Variants in ZBED6 observed in about 807,000 individuals in gnomAD.
The protein encoded by ZBED6 is zinc finger BED domain-containing protein 6.
A neutral mutation model predicts 58.4 loss-of-function variants in ZBED6; 40 were observed. The ratio of observed to expected loss-of-function variants is 0.68; its 90% CI spans 0.53 to 0.89. The LOEUF is 0.89. Ranked by LOEUF, ZBED6 falls within the 40% of genes least tolerant of loss-of-function variation. The probability of loss-of-function intolerance (pLI) is 0.00; values close to 1 mark genes in which losing one functional copy is unlikely to be tolerated. For synonymous variants in ZBED6, 439 were observed against 350.6 expected (o/e 1.25, Z -2.82); for missense variants, 1,057 against 1,003.9 (o/e 1.05, Z -0.71).
At chr1:203,852,508 C>T (rs996470108) in exon 17 of ZBED6, 1 of 1,295,724 alleles carries the variant, frequency 7.7e-7, no homozygotes, top group African/African-American at 1.5e-5. Context: ...AGAATTTGCC[C>T]CAAATCAGAA....
chr1:203,847,795 A>G, intron 12 of ZBED6, 108 bp downstream of exon 12: 1 of 1,452,162 alleles, frequency 6.9e-7, no homozygotes, highest in Non-Finnish European at 9.3e-7. Flanking sequence ...TTACTCAGAT[A>G]ACGTTGAAAA....
chr1:203,798,008 A>G (rs1669212982), exon 1 of ZBED6: 13 of 1,534,050 alleles, frequency 8.5e-6, no homozygotes, highest in Admixed American at 7.8e-5. Context: ...GCAGGGGTAA[A>G]CCAGGTAGCC....
At chr1:203,826,647 G>GTTAT (rs1462958901) in intron 3 of ZBED6, among the ~76,000 whole-genome samples, 2 of 151,986 alleles carry the variant, frequency 1.3e-5, no homozygotes, top group South Asian at 2.1e-4. Flanking sequence ...TTTTGTAATG[G>GTTAT]TTATTGTTTC....
intron 1 of ZBED6, among the ~76,000 whole-genome samples, chr1:203,814,229 A>C (rs1372923517): frequency 6.6e-6 from 1 of 152,174 alleles, no homozygotes; most frequent in Non-Finnish European, 1.5e-5. Flanking sequence ...ACTTTTTAAC[A>C]GGAATAACCT....
In ZBED6 at chr1:203,805,799, C is replaced by T. The variant is rs1018873501; in HGVS notation, c.*2554+2783C>T. On this transcript the variant is annotated intron_variant, in intron 1 of 16. Transcript: ENST00000550078. Reference sequence around the variant, plus strand: ...AACTCTGCTTCTAGGTTGTCTTCATCTAATTCTGGGCCGCCATAACTGCGA... The same window carrying T: ...AACTCTGCTTCTAGGTTGTCTTCATTTAATTCTGGGCCGCCATAACTGCGA... 3.9e-6 allele frequency: 3 copies of T among 766,290 alleles called. No individual in the cohort carries two copies. In the African/African-American group the frequency reaches 5.2e-5, roughly 13 times the overall value. 47.5% of individuals were successfully genotyped at this position (766,290 alleles called of 1,614,324 possible). A position where few individuals can be genotyped will look rare whatever the true frequency, so the allele number is the denominator to read the frequency against.
At chr1:203,842,617 G>A (rs898972429) in intron 11 of ZBED6, among the ~76,000 whole-genome samples, 5 of 146,570 alleles carry the variant, frequency 3.4e-5, no homozygotes, top group African/African-American at 1.3e-4. Context: ...GGGAGGGGGA[G>A]GGGGAATCTT....
intron 8 of ZBED6, among the ~76,000 whole-genome samples, chr1:203,833,300 G>C (rs1223280426): frequency 1.3e-5 from 2 of 150,386 alleles, no homozygotes; most frequent in African/African-American, 4.9e-5. Context: ...GGGAGGTGGA[G>C]GTTGCAGTGA....
chr1:203,836,214 C>T (rs1684272003), intron 9 of ZBED6, among the ~76,000 whole-genome samples: 1 of 152,132 alleles, frequency 6.6e-6, no homozygotes. Flanking sequence ...AAGACCCTGT[C>T]TCTAAAAATA....
chr1:203,805,955 C>CCGTGGT (rs1366116143), intron 1 of ZBED6: 2 of 622,906 alleles, frequency 3.2e-6, no homozygotes, highest in Non-Finnish European at 6.2e-6. Context: ...ATAGCATCAA[C>CCGTGGT]CGTGGTCTTG....
chr1:203,827,192 T>C (rs1271141322), intron 3 of ZBED6, among the ~76,000 whole-genome samples: 1 of 152,186 alleles, frequency 6.6e-6, no homozygotes, highest in Non-Finnish European at 1.5e-5. Flanking sequence ...CATTCTAGTA[T>C]TGATGTACAC....
chr1:203,796,023 T>TCCCCACCCCCACCCCGTTCA (rs1198921193), exon 1 of ZBED6: 20 of 95,200 alleles, frequency 2.1e-4, no homozygotes, highest in African/African-American at 7.2e-4. Flanking sequence ...TTTCCCATCC[T>TCCCCACCCCCACCCCGTTCA]CCCCACCCCC....
chr1:203,828,820 A>T (rs1160549082), intron 4 of ZBED6, among the ~76,000 whole-genome samples: 2 of 152,198 alleles, frequency 1.3e-5, no homozygotes, highest in Non-Finnish European at 2.9e-5. Context: ...AGTGCTATAG[A>T]ATTGAGTAGT....
At chr1:203,822,089 A>G (rs1175048890) in intron 3 of ZBED6, among the ~76,000 whole-genome samples, 2 of 152,106 alleles carry the variant, frequency 1.3e-5, no homozygotes, top group Admixed American at 1.3e-4. Flanking sequence ...ATAGTATTAC[A>G]AATTATGAGT....
At chr1:203,799,037 G>A in exon 1 of ZBED6, 1 of 1,536,094 alleles carries the variant, frequency 6.5e-7, no homozygotes, top group East Asian at 2.4e-5. Flanking sequence ...GGGTTTCTTT[G>A]GAAACTGCGT....
intron 16 of ZBED6, among the ~76,000 whole-genome samples, chr1:203,851,677 T>TGC (rs1441566806): frequency 1.3e-5 from 2 of 151,626 alleles, no homozygotes; most frequent in Non-Finnish European, 2.9e-5. Flanking sequence ...AAATGCTTGG[T>TGC]GCTGGCCAGG....
chr1:203,801,822 T>G, exon 1 of ZBED6: 1 of 152,494 alleles, frequency 6.6e-6, no homozygotes. Context: ...TTTTGATTTT[T>G]TTTTTTTTTA....
In ZBED6 at chr1:203,823,451, C is replaced by T. The variant is rs12069910; in HGVS notation, c.*2873+4762C>T. ...AGCCATATAAGCACTCTTTACCAAA[C>T]ATGTACCCAAATTCCAGACTCCCAG... On this transcript the variant is annotated intron_variant, in intron 3 of 16. Transcript: ENST00000550078. Among the ~76,000 whole-genome samples the T allele has an allele frequency of 4.3e-3, 658 of 152,320 alleles. 7 individuals carry two copies. The highest frequency in any genetic ancestry group is 0.015 in the African/African-American group (627 of 41,554).
At chr1:203,806,175 G>T in intron 1 of ZBED6, 2 of 489,764 alleles carry the variant, frequency 4.1e-6, no homozygotes, top group Admixed American at 2.3e-5. Context: ...TCTTGTCAGT[G>T]GATTCTGCCC....
chr1:203,854,048 G>T (rs1045837784), exon 17 of ZBED6: 1 of 152,416 alleles, frequency 6.6e-6, no homozygotes, highest in Non-Finnish European at 1.5e-5. Context: ...TTCGTGTTCC[G>T]CATTATTTGA....
Sources: gnomAD v4.1 joint callset for allele counts (sites outside exome capture counted in the v4.1 genomes callset) on GRCh38, gnomAD v4.1.1 for gene constraint, MANE v1.5 for transcripts, NCBI Gene and HGNC (gene_info 2026-07-23, HGNC 2026-07-21) for gene names.